Variants in PLEKHS1 observed in about 807,000 individuals in gnomAD.
The protein encoded by PLEKHS1 is pleckstrin homology domain-containing family S member 1.
A neutral mutation model predicts 51.0 loss-of-function variants in PLEKHS1; 55 were observed. The observed-to-expected ratio is 1.08, with a 90% CI of 0.87 to 1.35. PLEKHS1 has a LOEUF of 1.35. PLEKHS1 is among the 40% of genes most tolerant of loss of function. The pLI is 0.00. For synonymous variants in PLEKHS1, 153 were observed against 144.8 expected (o/e 1.06, Z -0.41); for missense variants, 398 against 423.0 (o/e 0.94, Z 0.52).
intron 6 of PLEKHS1, 133 bp downstream of exon 6, chr10:113,769,023 C>T: frequency 1.7e-6 from 1 of 580,010 alleles, no homozygotes; most frequent in Non-Finnish European, 2.8e-6. Flanking sequence ...AGAAAATGTA[C>T]ATCCTTATTA....
At chr10:113,766,154 TA>T in intron 2 of PLEKHS1, among the ~76,000 whole-genome samples, 1 of 152,352 alleles carries the variant, frequency 6.6e-6, no homozygotes, top group South Asian at 2.1e-4. Flanking sequence ...GCCAACGACA[TA>T]CTCTAGAAAC....
chr10:113,758,953 A>G (rs1843796576), intron 2 of PLEKHS1, among the ~76,000 whole-genome samples: 2 of 152,214 alleles, frequency 1.3e-5, no homozygotes, highest in Non-Finnish European at 2.9e-5. Context: ...ATGCTCTTGA[A>G]AAAATGGTCC....
At position 113,775,041 on chromosome 10, in the gene PLEKHS1, G is replaced by A; in HGVS notation, c.989+6G>A. The A allele has an allele frequency of 1.9e-6, 3 of 1,612,410 alleles. No homozygotes were observed. The highest frequency in any genetic ancestry group is 2.5e-6 in the Non-Finnish European group (3 of 1,178,768). ...CAATTGTCTATATTAATCAAGTAAA[G>A]CTCTAATTTCTAAAACTTGATGGGC... On this transcript the variant is annotated splice_donor_region_variant and intron_variant, in intron 10 of 11. Transcript: ENST00000361048.
At chr10:113,780,100 C>A (rs1844820584) in intron 11 of PLEKHS1, among the ~76,000 whole-genome samples, 1 of 151,290 alleles carries the variant, frequency 6.6e-6, no homozygotes, top group African/African-American at 2.4e-5. Flanking sequence ...TCCTGTTATG[C>A]TACAGATGAG....
rs1174521481 is a variant in PLEKHS1 at position 113,755,394 on chromosome 10, G to A, written c.28+89G>A. On this transcript the variant is annotated intron_variant, in intron 2 of 11. Transcript: ENST00000361048. ...TCAAGCTAACCAGGATACAGAACTTGGTGGTTTTTGTGTATGTTGTTTTGT... is the reference window on the plus strand; with the variant it reads ...TCAAGCTAACCAGGATACAGAACTTAGTGGTTTTTGTGTATGTTGTTTTGT... The A allele has an allele frequency of 2.0e-6, 3 of 1,521,252 alleles. No individual in the cohort carries two copies. In the African/African-American group the frequency reaches 4.2e-5, roughly 21 times the overall value. 94.2% of individuals were successfully genotyped at this position (1,521,252 alleles called of 1,614,324 possible). A position where few individuals can be genotyped will look rare whatever the true frequency, so the allele number is the denominator to read the frequency against.
intron 11 of PLEKHS1, 102 bp downstream of exon 12, chr10:113,777,361 G>A (rs1338135546): frequency 6.2e-7 from 1 of 1,608,612 alleles, no homozygotes; most frequent in African/African-American, 1.3e-5. Context: ...TACAAATAAG[G>A]TTCCTCATTC....
intron 1 of PLEKHS1, among the ~76,000 whole-genome samples, chr10:113,753,316 G>T (rs923001057): frequency 1.3e-5 from 2 of 152,162 alleles, no homozygotes; most frequent in Non-Finnish European, 2.9e-5. Context: ...CTTGAAACTG[G>T]AAAGAACCTC....
At chr10:113,778,712 C>T (rs936491347) in intron 11 of PLEKHS1, among the ~76,000 whole-genome samples, 1 of 141,614 alleles carries the variant, frequency 7.1e-6, no homozygotes, top group Non-Finnish European at 1.5e-5. Flanking sequence ...GGCGCAAACT[C>T]GGCTCACTGC....
chr10:113,765,526 A>C (rs1057015797), intron 2 of PLEKHS1: 1 of 616,414 alleles, frequency 1.6e-6, no homozygotes, highest in African/African-American at 1.8e-5. Context: ...CCTTTGGCTT[A>C]GCAGACAAAA....
At chr10:113,765,375 T>C (rs752845071) in intron 2 of PLEKHS1, 6 of 779,390 alleles carry the variant, frequency 7.7e-6, no homozygotes, top group Non-Finnish European at 1.4e-5. Context: ...TATAAGTTTT[T>C]CCAGTATGGC....
Position 113,758,589 on chromosome 10 carries a change from T to C in PLEKHS1, c.28+3284T>C, listed in dbSNP as rs540628027. On this transcript the variant is annotated intron_variant, in intron 2 of 11. Coordinates refer to ENST00000361048, the Ensembl canonical transcript of PLEKHS1. Reference sequence around the variant, plus strand: ...AATTCTTAAGGGCCTTAGGATTTTCTAGCTTTTAATTGAAAGTGAGAGACA... The same window carrying C: ...AATTCTTAAGGGCCTTAGGATTTTCCAGCTTTTAATTGAAAGTGAGAGACA... Among the ~76,000 whole-genome samples the C allele has an allele frequency of 5.9e-5, 9 of 152,302 alleles. No homozygotes were observed. In the East Asian group the frequency reaches 1.7e-3, roughly 29 times the overall value.
exon 12 of PLEKHS1, chr10:113,780,816 G>C (rs1392381676): frequency 7.2e-6 from 11 of 1,529,926 alleles, no homozygotes; most frequent in Admixed American, 2.0e-5. Flanking sequence ...AACCAGGATG[G>C]AGCTGGGACT....
intron 5 of PLEKHS1, among the ~76,000 whole-genome samples, chr10:113,768,288 G>A (rs148229443): frequency 2.0e-5 from 3 of 152,140 alleles, no homozygotes; most frequent in Non-Finnish European, 2.9e-5. Flanking sequence ...GAGGCAAAGC[G>A]GGTGTGGGAG....
chr10:113,766,215 T>G (rs1014745645), intron 2 of PLEKHS1, among the ~76,000 whole-genome samples, 196 bp from the exon 3 acceptor site: 1 of 152,218 alleles, frequency 6.6e-6, no homozygotes, highest in African/African-American at 2.4e-5. Flanking sequence ...AAATGTTGTT[T>G]GAATGAAGGT....
intron 7 of PLEKHS1, 100 bp downstream of exon 7, chr10:113,770,000 C>T: frequency 2.4e-6 from 2 of 842,902 alleles, no homozygotes; most frequent in Non-Finnish European, 2.0e-6. Context: ...TGCCCACCTT[C>T]CTCAAAGCCC....
rs570232096 is a variant in PLEKHS1 at position 113,752,528 on chromosome 10, G to C, written c.-20+767G>C. ...ATGTACTGAGGAGTGCTCATCAACA[G>C]GGTATCTCAAGTGATACTCCCAGCA... On this transcript the variant is annotated intron_variant, in intron 1 of 11. Coordinates refer to ENST00000361048, the Ensembl canonical transcript of PLEKHS1. 2.4e-3 allele frequency among the ~76,000 whole-genome samples: 365 copies of C among 152,284 alleles called. 2 individuals carry two copies. Among genetic ancestry groups the C allele is most frequent in the African/African-American group, 8.5e-3 (352 of 41,566 alleles).
exon 6 of PLEKHS1, chr10:113,768,828 G>A (rs1466516636): frequency 3.1e-6 from 5 of 1,613,492 alleles, no homozygotes; most frequent in African/African-American, 2.7e-5. Flanking sequence ...GAAGATTAAA[G>A]ACTGGGTCTC....
At chr10:113,756,689 G>A (rs1485950008) in intron 2 of PLEKHS1, among the ~76,000 whole-genome samples, 2 of 152,086 alleles carry the variant, frequency 1.3e-5, no homozygotes, top group Admixed American at 1.3e-4. Context: ...AGAAAAAAGA[G>A]CACATTCCAG....
chr10:113,771,674 C>CAAAAA (rs11383972), intron 7 of PLEKHS1, among the ~76,000 whole-genome samples: 1 of 74,552 alleles, frequency 1.3e-5, no homozygotes, highest in African/African-American at 5.5e-5. Flanking sequence ...GACTCTGTCT[C>CAAAAA]AAAAAAAAAA....
Sources: gnomAD v4.1 joint callset for allele counts (sites outside exome capture counted in the v4.1 genomes callset) on GRCh38, gnomAD v4.1.1 for gene constraint, MANE v1.5 for transcripts, NCBI Gene and HGNC (gene_info 2026-07-23, HGNC 2026-07-21) for gene names.